APMAP: variants seen among roughly 807,000 people sequenced by gnomAD.
APMAP encodes the protein adipocyte plasma membrane associated protein.
A neutral mutation model predicts 43.6 loss-of-function variants in APMAP; 33 were observed. That is an observed-to-expected ratio of 0.76 (90% confidence interval 0.57 to 1.01). APMAP has a LOEUF of 1.01. Ranked by LOEUF, APMAP falls within the 50% of genes least tolerant of loss-of-function variation. APMAP has a pLI of 0.00. For synonymous variants in APMAP, 224 were observed against 216.7 expected (o/e 1.03, Z -0.30); for missense variants, 498 against 540.7 (o/e 0.92, Z 0.78).
chr20:24,984,011 C>T lies in APMAP; in HGVS notation c.104G>A (p.Ser35Asn). 1 of 1,611,288 alleles carries T rather than the reference C, an allele frequency of 6.2e-7. No individual in the cohort carries two copies. The highest frequency in any genetic ancestry group is 8.5e-7 in the Non-Finnish European group (1 of 1,177,646). Residue 35 changes from serine (S) to asparagine (N), a missense_variant, in exon 2 of 9, where the codon AGC (serine) becomes AAC (asparagine). Ser to Asn is a conservative substitution (Grantham distance 46, BLOSUM62 1). Coordinates refer to ENST00000217456, the MANE Select transcript of APMAP (RefSeq NM_020531.3). ...APEAKDGSSF[S>N]GRVFRVTFLM... ...GAAGGTCACTCGGAAAACTCTGCCG[C>T]TAAAGGAGCTGCCAGAAATAAAAGA...
At chr20:24,983,432 G>C (rs2088120943) in intron 2 of APMAP, among the ~76,000 whole-genome samples, 1 of 152,128 alleles carries the variant, frequency 6.6e-6, no homozygotes. Context: ...TATTTCAGGG[G>C]GCTTTACATA....
chr20:24,973,369 A>G (rs2088021745), intron 4 of APMAP, among the ~76,000 whole-genome samples: 1 of 152,222 alleles, frequency 6.6e-6, no homozygotes, highest in Non-Finnish European at 1.5e-5. Flanking sequence ...GGGGACCCCA[A>G]TAAAATGGTG....
At chr20:24,979,243 C>A (rs1025027671) in intron 2 of APMAP, among the ~76,000 whole-genome samples, 6 of 152,174 alleles carry the variant, frequency 3.9e-5, no homozygotes, top group Admixed American at 6.5e-5. Context: ...CCACTGGAGT[C>A]TACCTAGGGT....
intron 5 of APMAP, 58 bp downstream of exon 5, chr20:24,971,402 A>G (rs1225065488): frequency 7.0e-7 from 1 of 1,435,430 alleles, no homozygotes; most frequent in Non-Finnish European, 9.8e-7. Context: ...CTACACATAC[A>G]TATATTGTTT....
At chr20:24,973,121 C>A (rs768248289) in intron 4 of APMAP, among the ~76,000 whole-genome samples, 4 of 152,144 alleles carry the variant, frequency 2.6e-5, no homozygotes, top group Non-Finnish European at 4.4e-5. Context: ...TAAAAACATT[C>A]CAGCTATTAA....
intron 3 of APMAP, chr20:24,974,421 T>G (rs1407640657): frequency 6.6e-6 from 1 of 151,888 alleles, no homozygotes; most frequent in Non-Finnish European, 1.5e-5. Flanking sequence ...GAGAGTAGAA[T>G]GCAAAAATAG....
intron 1 of APMAP, among the ~76,000 whole-genome samples, chr20:24,987,613 T>C (rs1262691697): frequency 6.6e-6 from 1 of 152,188 alleles, no homozygotes; most frequent in Admixed American, 6.5e-5. Context: ...TGGTTAATTG[T>C]ATGTTATGCG....
chr20:24,980,023 A>G (rs908309424), intron 2 of APMAP, among the ~76,000 whole-genome samples: 3 of 152,152 alleles, frequency 2.0e-5, no homozygotes, highest in Non-Finnish European at 4.4e-5. Context: ...TCCTCATAGC[A>G]CACACCAGCT....
chr20:24,973,551 C>G (rs1331774287), intron 4 of APMAP, 94 bp downstream of exon 4: 4 of 1,235,228 alleles, frequency 3.2e-6, no homozygotes, highest in Non-Finnish European at 4.6e-6. Context: ...CTTTTTCTCC[C>G]ACAGGCATTC....
intron 8 of APMAP, among the ~76,000 whole-genome samples, chr20:24,967,450 C>A (rs1216712841): frequency 6.6e-6 from 1 of 152,222 alleles, no homozygotes; most frequent in East Asian, 1.9e-4. Flanking sequence ...CAGCCCCCTC[C>A]CTAACTGTGC....
Position 24,963,784 on chromosome 20 carries a change from T to C in APMAP, c.*29A>G. ...TGCCTGAGTGTGAAGACTCCTGGCC[T>C]GCGTGGCAGGGGCAGCTATCTGGGA... On this transcript the variant is annotated 3_prime_UTR_variant, in exon 9 of 9. Coordinates refer to ENST00000217456, the MANE Select transcript of APMAP (RefSeq NM_020531.3). The C allele has an allele frequency of 6.2e-7, 1 of 1,609,146 alleles. No homozygotes were observed. The highest frequency in any genetic ancestry group is 8.5e-7 in the Non-Finnish European group (1 of 1,176,016).
In APMAP at chr20:24,970,358, C is replaced by T; in HGVS notation, c.552G>A (p.Leu184=). Residue 184 remains leucine, a synonymous_variant, in exon 6 of 9, where the codon CTG becomes CTA. Coordinates refer to ENST00000217456, the MANE Select transcript of APMAP (RefSeq NM_020531.3). ...CAATGGGTGTCTCGGAGGACAGCAG[C>T]AGTTTCACTTCACCTGAAGTTTAAA... ...EVNPWKREVK[L]LLSSETPIEG... is the part of the protein sequence containing the mutation. 6.2e-7 allele frequency: 1 copy of T among 1,610,170 alleles called. No homozygotes were observed. The highest frequency in any genetic ancestry group is 8.5e-7 in the Non-Finnish European group (1 of 1,177,880).
rs771726507 is a variant in APMAP at position 24,969,087 on chromosome 20, G to A, written c.849-3C>T. On this transcript the variant is annotated splice_region_variant and splice_polypyrimidine_tract_variant and intron_variant, in intron 7 of 8. Coordinates refer to ENST00000217456, the MANE Select transcript of APMAP (RefSeq NM_020531.3). Reference sequence around the variant, plus strand: ...TCATCAGGCCAGAAACGTAGACTCTGAAAAATTCACCCAAGCAGAGAGTGA... The same window carrying A: ...TCATCAGGCCAGAAACGTAGACTCTAAAAAATTCACCCAAGCAGAGAGTGA... 6.3e-7 allele frequency: 1 copy of A among 1,576,368 alleles called. No individual in the cohort carries two copies. Among genetic ancestry groups the A allele is most frequent in the Admixed American group, 1.9e-5 (1 of 52,410 alleles).
chr20:24,976,072 C>A lies in APMAP; in HGVS notation c.329-2335G>T, dbSNP rs116564091. ...ATAGACCTAAATATAAAATACAAAACAAATTCCTAGAACATAGGAGAAAAT... is the reference window on the plus strand; with the variant it reads ...ATAGACCTAAATATAAAATACAAAAAAAATTCCTAGAACATAGGAGAAAAT... On this transcript the variant is annotated intron_variant, in intron 3 of 8. Coordinates refer to ENST00000217456, the MANE Select transcript of APMAP (RefSeq NM_020531.3). 2.9e-3 allele frequency among the ~76,000 whole-genome samples: 446 copies of A among 152,188 alleles called. 2 individuals are homozygous for A. Among genetic ancestry groups the A allele is most frequent in the African/African-American group, 0.01 (429 of 41,526 alleles).
At chr20:24,969,350 C>T (rs954521285) in intron 7 of APMAP, among the ~76,000 whole-genome samples, 176 bp downstream of exon 7, 1 of 152,148 alleles carries the variant, frequency 6.6e-6, no homozygotes, top group African/African-American at 2.4e-5. Flanking sequence ...AGACACTCTT[C>T]CGGACTGCGA....
intron 8 of APMAP, among the ~76,000 whole-genome samples, chr20:24,967,149 G>C (rs1369045534): frequency 1.3e-5 from 2 of 152,066 alleles, no homozygotes; most frequent in South Asian, 4.1e-4. Context: ...CAAAAAATTA[G>C]CCAAGCGTGG....
At chr20:24,980,195 G>A (rs2088089966) in intron 2 of APMAP, among the ~76,000 whole-genome samples, 1 of 152,242 alleles carries the variant, frequency 6.6e-6, no homozygotes. Flanking sequence ...AACGAGCACT[G>A]CTGGAGGAAA....
intron 8 of APMAP, among the ~76,000 whole-genome samples, chr20:24,964,638 C>T (rs899129615): frequency 6.6e-6 from 1 of 152,066 alleles, no homozygotes; most frequent in Non-Finnish European, 1.5e-5. Context: ...TGTGGTCACA[C>T]GGGACTGTTG....
At chr20:24,984,043 G>A in intron 1 of APMAP, 24 bp from the exon 2 acceptor site, 1 of 1,575,252 alleles carries the variant, frequency 6.3e-7, no homozygotes, top group Non-Finnish European at 8.7e-7. Flanking sequence ...AAGATACAAA[G>A]GCAATCAGCT....
Sources: gnomAD v4.1 joint callset for allele counts (sites outside exome capture counted in the v4.1 genomes callset) on GRCh38, gnomAD v4.1.1 for gene constraint, MANE v1.5 for transcripts, NCBI Gene and HGNC (gene_info 2026-07-23, HGNC 2026-07-21) for gene names.